WWOX: variants seen among roughly 807,000 people sequenced by gnomAD.
WWOX encodes the protein WW domain-containing oxidoreductase.
In WWOX, 69 loss-of-function variants were observed where a neutral mutation model predicts 46.2. The observed-to-expected ratio is 1.49, with a 90% CI of 1.23 to 1.82. The LOEUF (loss-of-function observed/expected upper bound fraction) is 1.82, where lower values mean the gene tolerates loss of function less well. WWOX is among the 40% of genes most tolerant of loss of function. The pLI is 0.00. For missense variants in WWOX, 919 were observed against 542.6 expected (o/e 1.69, Z -6.89); for synonymous variants, 359 against 202.6 (o/e 1.77, Z -6.56).
In WWOX at chr16:78,764,241, C is replaced by T. The variant is rs544202302; in HGVS notation, c.1056+331489C>T. 3.9e-5 allele frequency among the ~76,000 whole-genome samples: 6 copies of T among 151,940 alleles called. No homozygotes were observed. In the East Asian group the frequency reaches 1.2e-3, roughly 30 times the overall value. Reference sequence around the variant, plus strand: ...TGAAGTGCGGCCGGGTGTTGTTAAACGGCTCCGCCTTCCTGCCAGAATTTC... The same window carrying T: ...TGAAGTGCGGCCGGGTGTTGTTAAATGGCTCCGCCTTCCTGCCAGAATTTC... On this transcript the variant is annotated intron_variant, in intron 8 of 8. Coordinates refer to ENST00000566780, the MANE Select transcript of WWOX (RefSeq NM_016373.4).
rs116540510 is a variant in WWOX at position 78,654,910 on chromosome 16, C to T, written c.1056+222158C>T. ...GGGGATGCATATGTGTATGTGTGTG[C>T]ATGAGTATCTTGATAATTTAGAAAG... On this transcript the variant is annotated intron_variant, in intron 8 of 8. Coordinates refer to ENST00000566780, the MANE Select transcript of WWOX (RefSeq NM_016373.4). Among the ~76,000 whole-genome samples the T allele has an allele frequency of 8.8e-4, 134 of 152,054 alleles. 4 individuals carry two copies. The highest frequency in any genetic ancestry group is 3.1e-3 in the African/African-American group (130 of 41,486).
chr16:78,874,947 G>A (rs1456953367), intron 8 of WWOX, among the ~76,000 whole-genome samples: 1 of 152,114 alleles, frequency 6.6e-6, no homozygotes, highest in Non-Finnish European at 1.5e-5. Context: ...TTGGAACCAG[G>A]AAGGCCTGCC....
intron 8 of WWOX, among the ~76,000 whole-genome samples, chr16:78,919,638 C>A (rs563832434): frequency 6.6e-6 from 1 of 151,740 alleles, no homozygotes; most frequent in Non-Finnish European, 1.5e-5. Flanking sequence ...CTGCCTCATG[C>A]TCCCGAATAG....
intron 4 of WWOX, among the ~76,000 whole-genome samples, chr16:78,147,536 A>G (rs2034240177): frequency 6.6e-6 from 1 of 152,192 alleles, no homozygotes; most frequent in Non-Finnish European, 1.5e-5. Flanking sequence ...AATTTTCCCA[A>G]CATTGTGTTT....
intron 5 of WWOX, among the ~76,000 whole-genome samples, chr16:78,317,662 G>T (rs986172441): frequency 1.7e-4 from 26 of 152,158 alleles, no homozygotes; most frequent in African/African-American, 6.0e-4. Context: ...CCTCGTTTAG[G>T]CTCTGGACTC....
intron 3 of WWOX, 66 bp from the exon 4 acceptor site, chr16:78,114,910 G>A: frequency 6.2e-7 from 1 of 1,607,156 alleles, no homozygotes; most frequent in Non-Finnish European, 8.5e-7. Context: ...TAAAGTATAA[G>A]ATTGTCTTAT....
At chr16:78,286,591 T>C (rs2079771099) in intron 5 of WWOX, among the ~76,000 whole-genome samples, 1 of 150,182 alleles carries the variant, frequency 6.7e-6, no homozygotes, top group African/African-American at 2.5e-5. Context: ...TGATTCTTGA[T>C]TTTTTTTTTC....
intron 8 of WWOX, among the ~76,000 whole-genome samples, chr16:78,738,074 C>T (rs1002917458): frequency 6.6e-6 from 1 of 152,148 alleles, no homozygotes; most frequent in African/African-American, 2.4e-5. Context: ...GTGGCAGCTG[C>T]CCACTTCCAG....
At chr16:78,197,526 T>G (rs903402613) in intron 5 of WWOX, among the ~76,000 whole-genome samples, 1 of 152,232 alleles carries the variant, frequency 6.6e-6, no homozygotes, top group Non-Finnish European at 1.5e-5. Context: ...GAATCTGAGT[T>G]TAATAAACGT....
At chr16:78,463,868 A>T (rs1345293355) in intron 8 of WWOX, among the ~76,000 whole-genome samples, 1 of 152,214 alleles carries the variant, frequency 6.6e-6, no homozygotes, top group African/African-American at 2.4e-5. Flanking sequence ...GGGTGAGCTA[A>T]ACTTCCTCCT....
rs550775689 is a variant in WWOX at position 78,220,224 on chromosome 16, G to A, written c.516+55935G>A. On this transcript the variant is annotated intron_variant, in intron 5 of 8. Transcript: ENST00000566780. The stretch of plus-strand genomic sequence containing the variant: ...AAATTGCGTTTCTTTGGCCTCCCAT[G>A]TGGGTATCAATGAGTTTTACATGGT... Among the ~76,000 whole-genome samples, 10 of 152,296 alleles carry A rather than the reference G, an allele frequency of 6.6e-5. No homozygotes were observed. The South Asian group carries it at 1.9e-3, about 28-fold the overall frequency.
At chr16:78,366,997 T>TTA (rs1311904442) in intron 5 of WWOX, among the ~76,000 whole-genome samples, 1 of 88,958 alleles carries the variant, frequency 1.1e-5, no homozygotes, top group Admixed American at 1.2e-4. Flanking sequence ...TTTTTTTTTT[T>TTA]AAGACGTAGT....
intron 8 of WWOX, among the ~76,000 whole-genome samples, chr16:78,814,482 AT>A (rs1295520053): frequency 1.3e-5 from 2 of 152,084 alleles, no homozygotes; most frequent in South Asian, 2.1e-4. Context: ...AAAAAAAAAA[AT>A]TAAGTGAACC....
chr16:78,866,229 T>C (rs1221228498), intron 8 of WWOX, among the ~76,000 whole-genome samples: 1 of 152,110 alleles, frequency 6.6e-6, no homozygotes, highest in Admixed American at 6.5e-5. Flanking sequence ...AGCAGTGATA[T>C]AAATCAGAGC....
intron 8 of WWOX, among the ~76,000 whole-genome samples, chr16:79,075,755 G>T (rs1458606447): frequency 6.6e-6 from 1 of 152,030 alleles, no homozygotes; most frequent in Non-Finnish European, 1.5e-5. Context: ...GTCTCATCTG[G>T]TGATTTTTCA....
chr16:79,073,927 C>G (rs900739616), intron 8 of WWOX, among the ~76,000 whole-genome samples: 2 of 151,822 alleles, frequency 1.3e-5, no homozygotes, highest in Non-Finnish European at 2.9e-5. Flanking sequence ...CTTTTTCTAG[C>G]AATTCTCAAT....
chr16:78,585,532 C>T (rs2045175826), intron 8 of WWOX, among the ~76,000 whole-genome samples: 1 of 152,126 alleles, frequency 6.6e-6, no homozygotes, highest in East Asian at 1.9e-4. Flanking sequence ...CCAGAGGGTC[C>T]CTCGGTATTG....
intron 8 of WWOX, among the ~76,000 whole-genome samples, chr16:78,617,874 G>A (rs1399764586): frequency 6.6e-6 from 1 of 152,184 alleles, no homozygotes; most frequent in Non-Finnish European, 1.5e-5. Context: ...GTCAAAATAT[G>A]AATCTATCTT....
At chr16:79,068,842 A>AATG (rs904510996) in intron 8 of WWOX, among the ~76,000 whole-genome samples, 1 of 148,494 alleles carries the variant, frequency 6.7e-6, no homozygotes, top group Non-Finnish European at 1.5e-5. Context: ...TAATAATAAT[A>AATG]ATAATAATAA....
Sources: allele counts gnomAD v4.1 joint callset (sites outside exome capture counted in the v4.1 genomes callset), GRCh38; gene constraint gnomAD v4.1.1; transcripts MANE v1.5; gene names NCBI Gene and HGNC (gene_info 2026-07-23, HGNC 2026-07-21).